Variants in SFRP1 observed in about 807,000 individuals in gnomAD.
The protein encoded by SFRP1 is secreted frizzled-related protein 1.
Under a neutral mutation model 25.9 loss-of-function variants are expected in SFRP1, and 9 were observed. The observed-to-expected ratio is 0.35, with a 90% CI of 0.21 to 0.61. SFRP1 has a LOEUF of 0.61. SFRP1 is among the 20% of genes least tolerant of loss of function. The pLI is 0.78. For synonymous variants in SFRP1, 178 were observed against 174.0 expected, an observed-to-expected ratio of 1.02 and a Z score of -0.18; for missense variants, 346 against 418.2, an observed-to-expected ratio of 0.83 and a Z score of 1.51.
chr8:41,290,385 C>T (rs1023038506), intron 2 of SFRP1, among the ~76,000 whole-genome samples: 1 of 152,224 alleles, frequency 6.6e-6, no homozygotes, highest in Non-Finnish European at 1.5e-5. Flanking sequence ...ATGCCATTCC[C>T]AGTGCAATGC....
At chr8:41,301,088 C>T (rs1414212679) in intron 2 of SFRP1, among the ~76,000 whole-genome samples, 1 of 152,092 alleles carries the variant, frequency 6.6e-6, no homozygotes, top group African/African-American at 2.4e-5. Context: ...CAGAGGCTCC[C>T]GGAGACCACA....
chr8:41,288,530 CAAAAAAAAAAAAAAAAA>C (rs397893046), intron 2 of SFRP1, among the ~76,000 whole-genome samples: 93 of 39,110 alleles, frequency 2.4e-3, no homozygotes, highest in Non-Finnish European at 2.3e-3. Context: ...AGACCCTGTC[CAAAAAAAAAAAAAAAAA>C]AAAAAAAAAA....
chr8:41,289,531 G>A (rs538930885), intron 2 of SFRP1, among the ~76,000 whole-genome samples: 7 of 152,246 alleles, frequency 4.6e-5, no homozygotes, highest in East Asian at 3.9e-4. Flanking sequence ...AGAACCAGGC[G>A]CTGGGCTCAC....
At chr8:41,281,310 C>T (rs1803632857) in intron 2 of SFRP1, among the ~76,000 whole-genome samples, 3 of 152,350 alleles carry the variant, frequency 2.0e-5, no homozygotes, top group Non-Finnish European at 4.4e-5. Flanking sequence ...TGGGCACATT[C>T]GGGGGCCATG....
At chr8:41,293,133 A>G (rs730648) in intron 2 of SFRP1, among the ~76,000 whole-genome samples, 96,105 of 152,086 alleles carry the variant, frequency 0.63, 31,147 homozygotes, top group African/African-American at 0.78. Flanking sequence ...CCTTCCCCTC[A>G]CAGCTATGCA....
chr8:41,265,178 C>A lies in SFRP1; in HGVS notation c.934G>T (p.Val312Leu). The A allele has an allele frequency of 7.6e-7, 1 of 1,315,012 alleles. No individual in the cohort carries two copies. The allele number at this position is 1,315,012 out of a possible 1,614,324, so 81.5% of individuals were successfully genotyped here. ...TGCCCCCGGGAGAATCACTTAAACACGGACTGAAAGGTGGGGCACTCATGG... is the reference window on the plus strand; with the variant it reads ...TGCCCCCGGGAGAATCACTTAAACAAGGACTGAAAGGTGGGGCACTCATGG... ...KNHECPTFQS[V>L]FK The change falls in exon 3 of 3, where the codon GTG becomes TTG. Residue 312 changes from valine to leucine, a missense_variant. Val to Leu is a conservative substitution (Grantham distance 32). Transcript: ENST00000220772.
At chr8:41,282,083 C>T (rs1803640830) in intron 2 of SFRP1, among the ~76,000 whole-genome samples, 1 of 152,172 alleles carries the variant, frequency 6.6e-6, no homozygotes, top group South Asian at 2.1e-4. Context: ...GACTGGGTTG[C>T]TAAGGGCCTT....
At chr8:41,295,961 G>C (rs1175588737) in intron 2 of SFRP1, among the ~76,000 whole-genome samples, 1 of 152,168 alleles carries the variant, frequency 6.6e-6, no homozygotes, top group Non-Finnish European at 1.5e-5. Flanking sequence ...GGGATGCGGA[G>C]GGCAACCATC....
chr8:41,271,939 TG>T (rs1803514830), intron 2 of SFRP1, among the ~76,000 whole-genome samples: 1 of 152,166 alleles, frequency 6.6e-6, no homozygotes, highest in Admixed American at 6.5e-5. Flanking sequence ...CGCTCCAGCC[TG>T]GGTGACAGAG....
At chr8:41,307,691 T>C (rs1804015397) in intron 1 of SFRP1, among the ~76,000 whole-genome samples, 2 of 152,204 alleles carry the variant, frequency 1.3e-5, no homozygotes, top group Non-Finnish European at 2.9e-5. Context: ...GTATATTTTA[T>C]CTTTATATCT....
chr8:41,291,075 T>A (rs1002985595), intron 2 of SFRP1, among the ~76,000 whole-genome samples: 2 of 151,318 alleles, frequency 1.3e-5, no homozygotes, highest in African/African-American at 4.9e-5. Context: ...CCCCGCTATT[T>A]TTTTTTGTAT....
Position 41,307,920 on chromosome 8 carries a change from A to AG in SFRP1, c.544+695dup, listed in dbSNP as rs561297833. ...GAGGATTTGTGTAAATGAGAAAAGC[A>AG]GGGGGTACGCTAGAGGGAGGGAGAA... On this transcript the variant is annotated intron_variant, in intron 1 of 2. Coordinates refer to ENST00000220772, the MANE Select transcript of SFRP1 (RefSeq NM_003012.5). 2.0e-5 allele frequency among the ~76,000 whole-genome samples: 3 copies of AG among 152,274 alleles called. No homozygotes were observed. In the East Asian group the frequency reaches 5.8e-4, roughly 30 times the overall value.
At position 41,288,208 on chromosome 8, in the gene SFRP1, A is replaced by T. The variant is rs552608164; in HGVS notation, c.622+15253T>A. 8.0e-3 allele frequency among the ~76,000 whole-genome samples: 1,215 copies of T among 152,176 alleles called. 15 individuals are homozygous for T. Among genetic ancestry groups the T allele is most frequent in the African/African-American group, 0.028 (1,144 of 41,502 alleles). On this transcript the variant is annotated intron_variant, in intron 2 of 2. Transcript: ENST00000220772. ...CCCTGTCTCTACTAAAAATAAAAAA[A>T]TTAGCCAGTTGTTGTGGGACGTGCC...
intron 2 of SFRP1, among the ~76,000 whole-genome samples, chr8:41,266,440 T>C (rs894183474): frequency 6.6e-6 from 1 of 152,126 alleles, no homozygotes; most frequent in Non-Finnish European, 1.5e-5. Flanking sequence ...TTGTTTTTTA[T>C]TGTTGTCTTT....
At position 41,308,530 on chromosome 8, in the gene SFRP1, C is replaced by A. The variant is rs112164222; in HGVS notation, c.544+86G>T. ...CCCAGCACCGGGACCCAGCGGCGGG[C>A]GGGCGTAGGGTGGCGCGGGTTCTCC... is the stretch of plus-strand genomic sequence containing the variant. On this transcript the variant is annotated intron_variant, in intron 1 of 2. Transcript: ENST00000220772. 1.5e-3 allele frequency: 1,689 copies of A among 1,113,208 alleles called. 13 individuals are homozygous for A. The African/African-American group carries it at 0.024, about 16-fold the overall frequency. 69.0% of individuals were successfully genotyped at this position (1,113,208 alleles called of 1,614,324 possible). A position where few individuals can be genotyped will look rare whatever the true frequency, so the allele number is the denominator to read the frequency against.
At chr8:41,296,694 G>A (rs997051452) in intron 2 of SFRP1, among the ~76,000 whole-genome samples, 1 of 152,138 alleles carries the variant, frequency 6.6e-6, no homozygotes, top group Non-Finnish European at 1.5e-5. Flanking sequence ...GATATCGCTG[G>A]AGAAAAATGG....
intron 2 of SFRP1, among the ~76,000 whole-genome samples, chr8:41,297,289 C>A (rs1178420389): frequency 7.0e-6 from 1 of 142,658 alleles, no homozygotes; most frequent in Non-Finnish European, 1.6e-5. Context: ...GGTGATCCAC[C>A]CACCTCAGCC....
At chr8:41,306,898 C>A (rs1230813180) in intron 1 of SFRP1, 1 of 1,586,770 alleles carries the variant, frequency 6.3e-7, no homozygotes, top group African/African-American at 1.3e-5. Context: ...TCTTTCCTCT[C>A]TTCTTCAGGC....
chr8:41,281,167 C>T (rs1020161006), intron 2 of SFRP1, among the ~76,000 whole-genome samples: 3 of 152,194 alleles, frequency 2.0e-5, no homozygotes, highest in South Asian at 2.1e-4. Flanking sequence ...CATGGCCTTC[C>T]ACTCCGTGCA....
Sources: allele counts gnomAD v4.1 joint callset (sites outside exome capture counted in the v4.1 genomes callset), GRCh38; gene constraint gnomAD v4.1.1; transcripts MANE v1.5; gene names NCBI Gene and HGNC (gene_info 2026-07-23, HGNC 2026-07-21).